C2orf81: variants seen among roughly 807,000 people sequenced by gnomAD.
C2orf81 encodes the protein chromosome 2 open reading frame 81.
In C2orf81, 5 loss-of-function variants were observed where a neutral mutation model predicts 7.9. That is an observed-to-expected ratio of 0.63 (90% CI 0.33 to 1.33). The LOEUF is 1.33. Ranked by LOEUF, C2orf81 falls within the 40% of genes most tolerant of loss-of-function variation. The pLI is 0.05. For missense variants in C2orf81, 781 were observed against 830.4 expected (o/e 0.94, Z 0.73); for synonymous variants, 346 against 367.4 (o/e 0.94, Z 0.66).
intron 1 of C2orf81, among the ~76,000 whole-genome samples, chr2:74,419,959 G>A (rs1474412302): frequency 6.6e-6 from 1 of 152,184 alleles, no homozygotes; most frequent in East Asian, 1.9e-4. Flanking sequence ...ATTTTTAGTA[G>A]AGATGGGGTT....
At chr2:74,419,245 G>A (rs917399214) in intron 1 of C2orf81, among the ~76,000 whole-genome samples, 2 of 151,928 alleles carry the variant, frequency 1.3e-5, no homozygotes, top group African/African-American at 2.4e-5. Context: ...GCACAGTGGC[G>A]CACACCCACA....
Position 74,416,156 on chromosome 2 carries a change from A to C in C2orf81, c.104T>G (p.Val35Gly). 1 of 1,499,434 alleles carries C rather than the reference A, an allele frequency of 6.7e-7. No homozygotes were observed. The highest frequency in any genetic ancestry group is 9.0e-7 in the Non-Finnish European group (1 of 1,114,572). 92.9% of individuals were successfully genotyped at this position (1,499,434 alleles called of 1,614,324 possible). A position where few individuals can be genotyped will look rare whatever the true frequency, so the allele number is the denominator to read the frequency against. Residue 35 changes from valine to glycine, a missense_variant, in exon 2 of 3, where the codon GTG (valine) becomes GGG (glycine). Physicochemically the swap from Val to Gly is moderately radical, Grantham distance 109. Transcript: ENST00000684111. ...VRPPTVPVPQ[V>G]DIVPGRLSEA... ...ACTGAGCCGCCCAGGCACAATATCC[A>C]CCTGCGGCACTGGCACAGTGGGCGG...
In C2orf81 at chr2:74,415,377, GCCT is replaced by G; in HGVS notation, c.797_799del (p.Glu266del). The stretch of plus-strand genomic sequence containing the variant: ...AGAAGGGTCGGCATCGTCGGCAGGC[GCCT>G]CCTCCACCGACAGTTGGAAGCTCGC... On this transcript the variant is annotated inframe_deletion, in exon 3 of 3. Coordinates refer to ENST00000684111, the MANE Select transcript of C2orf81 (RefSeq NM_001316764.3). This position sits in a 1 kb window ranked among gnomAD's most constrained non-coding sequence, Gnocchi z 5.5. 1 of 1,517,024 alleles carries G rather than the reference GCCT, an allele frequency of 6.6e-7. No individual in the cohort carries two copies. The highest frequency in any genetic ancestry group is 8.9e-7 in the Non-Finnish European group (1 of 1,126,540). The allele number at this position is 1,517,024 out of a possible 1,614,324, so 94.0% of individuals were successfully genotyped here. A position where few individuals can be genotyped will look rare whatever the true frequency, so the allele number is the denominator to read the frequency against.
chr2:74,415,910 G>T lies in C2orf81; in HGVS notation c.267C>A (p.Ile89=). ...GCAGCATGGCCTCCCGGGCCTGGCTGATGGTGAATGGAATGCACTGCGGAG... is the reference window on the plus strand; with the variant it reads ...GCAGCATGGCCTCCCGGGCCTGGCTTATGGTGAATGGAATGCACTGCGGAG... The part of the protein sequence containing the change: ...YLTQQCIPFT[I]SQAREAMLQI... The change falls in exon 3 of 3, where the codon ATC becomes ATA. Residue 89 remains isoleucine (I), a synonymous_variant. Transcript: ENST00000684111. The surrounding 1 kb of genome is among the most constrained non-coding windows in gnomAD (Gnocchi z 5.5). 2 of 1,548,830 alleles carry T rather than the reference G, an allele frequency of 1.3e-6. No homozygotes were observed. Among genetic ancestry groups the T allele is most frequent in the Non-Finnish European group, 1.7e-6 (2 of 1,144,792 alleles).
At position 74,421,612 on chromosome 2, in the gene C2orf81, A is replaced by G. The variant is rs1451341321; in HGVS notation, c.-52T>C. 2.3e-6 allele frequency: 1 copy of G among 426,148 alleles called. No individual in the cohort carries two copies. 26.4% of individuals were successfully genotyped at this position (426,148 alleles called of 1,614,324 possible). Reference sequence around the variant, plus strand: ...TGTTTCTGCTGCATCCGGGCCGCGTAAGCCACCTAACAGTCGCCTGGGCAA... The same window carrying G: ...TGTTTCTGCTGCATCCGGGCCGCGTGAGCCACCTAACAGTCGCCTGGGCAA... On this transcript the variant is annotated 5_prime_UTR_variant, in exon 1 of 3. Transcript: ENST00000684111.
chr2:74,414,866 G>A lies in C2orf81; in HGVS notation c.1311C>T (p.Leu437=). 1 of 1,550,476 alleles carries A rather than the reference G, an allele frequency of 6.4e-7. No homozygotes were observed. The highest frequency in any genetic ancestry group is 8.7e-7 in the Non-Finnish European group (1 of 1,146,224). Residue 437 remains leucine, a synonymous_variant, in exon 3 of 3, where the codon CTC becomes CTT. Transcript: ENST00000684111. This position sits in a 1 kb window ranked among gnomAD's most constrained non-coding sequence, Gnocchi z 5.3. ...AGTCACGGAAAGGAATGCCTGGCCGGAGAGGGAAGAACGCTGCCGGGGAGA... is the reference window on the plus strand; with the variant it reads ...AGTCACGGAAAGGAATGCCTGGCCGAAGAGGGAAGAACGCTGCCGGGGAGA... ...TRVSPAAFFP[L]RPGIPFRDLD... is the part of the protein sequence containing the mutation.
chr2:74,414,647 CT>C lies in C2orf81; in HGVS notation c.1529del (p.Lys510ArgfsTer47). On this transcript the variant is annotated frameshift_variant, in exon 3 of 3. Transcript: ENST00000684111. LOFTEE classifies it low-confidence loss of function (END_TRUNC). This position sits in a 1 kb window ranked among gnomAD's most constrained non-coding sequence, Gnocchi z 5.3. ...SVRWPSGWEGKAELLGELWAG... is the reference protein window; with the variant it reads ...SVRWPSGWEGXAELLGELWAG... Reference sequence around the variant, plus strand: ...CCCACAGCTCGCCCAGCAGCTCGGCCTTCCCCTCCCAACCGCTGGGCCACCT... The same window carrying C: ...CCCACAGCTCGCCCAGCAGCTCGGCCTCCCCTCCCAACCGCTGGGCCACCT... 1 of 1,549,942 alleles carries C rather than the reference CT, an allele frequency of 6.5e-7. No homozygotes were observed.
chr2:74,414,534 G>C lies in C2orf81; in HGVS notation c.1643C>G (p.Pro548Arg), dbSNP rs753892654. ...CACCTGGGAAGTGGCTTCAAGGACC[G>C]GGGGTGTGGTTCGAGGCCATCTGCC... Reference protein sequence around the residue: ...DPGRWPRTTPPVLEATSQVMW... With the variant: ...DPGRWPRTTPRVLEATSQVMW... The change falls in exon 3 of 3, where the codon CCG becomes CGG. Residue 548 changes from proline (P) to arginine (R), a missense_variant. Transcript: ENST00000684111. This position sits in a 1 kb window ranked among gnomAD's most constrained non-coding sequence, Gnocchi z 5.3. The C allele has an allele frequency of 3.9e-6, 6 of 1,543,524 alleles. No homozygotes were observed. The highest frequency in any genetic ancestry group is 8.8e-7 in the Non-Finnish European group (1 of 1,141,708).
At chr2:74,417,827 G>C (rs1676507630) in intron 1 of C2orf81, 1 of 522,364 alleles carries the variant, frequency 1.9e-6, no homozygotes, top group Admixed American at 2.4e-5. Context: ...GGACGCAGCA[G>C]GTGCAGGGTG....
At chr2:74,417,595 T>A (rs1676500717) in intron 1 of C2orf81, 3 of 1,049,078 alleles carry the variant, frequency 2.9e-6, no homozygotes, top group Non-Finnish European at 2.5e-6. Context: ...AAAGACAGTT[T>A]GGCTGGGGGA....
At chr2:74,417,728 C>G in intron 1 of C2orf81, 1 of 558,398 alleles carries the variant, frequency 1.8e-6, no homozygotes, top group African/African-American at 1.9e-5. Context: ...CCAGGCCCCT[C>G]TATGGGAAGC....
chr2:74,416,190 T>C lies in C2orf81; in HGVS notation c.70A>G (p.Lys24Glu). ...DRGVTRSKAE[K>E]VRPPTVPVPQ... ...ACTGGCACAGTGGGCGGCCGCACTTTTTCCGCCTTGGACCGGGTCACCCCG... is the reference window on the plus strand; with the variant it reads ...ACTGGCACAGTGGGCGGCCGCACTTCTTCCGCCTTGGACCGGGTCACCCCG... Residue 24 changes from lysine (K) to glutamate (E), a missense_variant, in exon 2 of 3, where the codon AAA becomes GAA. By Grantham distance (56) the Lys-to-Glu change is moderately conservative. Transcript: ENST00000684111. 2 of 1,449,422 alleles carry C rather than the reference T, an allele frequency of 1.4e-6. No individual in the cohort carries two copies. Among genetic ancestry groups the C allele is most frequent in the Non-Finnish European group, 1.8e-6 (2 of 1,083,824 alleles). 89.8% of individuals were successfully genotyped at this position (1,449,422 alleles called of 1,614,324 possible). A position where few individuals can be genotyped will look rare whatever the true frequency, so the allele number is the denominator to read the frequency against.
At chr2:74,417,756 G>A (rs1462698017) in intron 1 of C2orf81, 14 of 514,692 alleles carry the variant, frequency 2.7e-5, no homozygotes, top group Non-Finnish European at 4.1e-5. Context: ...AACAGTGGAG[G>A]AGCAGAGAAG....
In C2orf81 at chr2:74,415,217, C is replaced by A. The variant is rs1303845649; in HGVS notation, c.960G>T (p.Arg320Ser). The change falls in exon 3 of 3, where the codon AGG becomes AGT. Residue 320 changes from arginine (R) to serine (S), a missense_variant. By Grantham distance (110) the Arg-to-Ser change is moderately radical (BLOSUM62 -1). Coordinates refer to ENST00000684111, the MANE Select transcript of C2orf81 (RefSeq NM_001316764.3). This position sits in a 1 kb window ranked among gnomAD's most constrained non-coding sequence, Gnocchi z 5.5. ...LDAAGDRLEL[R>S]SEGVPCIASG... is the part of the protein sequence containing the mutation. Reference sequence around the variant, plus strand: ...AGGCGATGCAGGGCACCCCCTCTGACCTGAGTTCCAGCCGATCCCCAGCCG... The same window carrying A: ...AGGCGATGCAGGGCACCCCCTCTGAACTGAGTTCCAGCCGATCCCCAGCCG... 6.4e-7 allele frequency: 1 copy of A among 1,550,824 alleles called. No individual in the cohort carries two copies. The highest frequency in any genetic ancestry group is 8.7e-7 in the Non-Finnish European group (1 of 1,146,884).
At chr2:74,418,044 G>A (rs1573214865) in intron 1 of C2orf81, 1 of 529,854 alleles carries the variant, frequency 1.9e-6, no homozygotes, top group Non-Finnish European at 3.5e-6. Flanking sequence ...CGGTGGTGAT[G>A]GTGGGTGTAG....
At chr2:74,416,290 CG>C (rs147884408) in intron 1 of C2orf81, 49 bp from the exon 2 acceptor site, 26,648 of 1,256,446 alleles carry the variant, frequency 0.021, 352 homozygotes, top group Non-Finnish European at 0.025. Flanking sequence ...AGAAGTGGAA[CG>C]GAAGAGTAGC....
At chr2:74,417,214 C>T (rs1227476041) in intron 1 of C2orf81, among the ~76,000 whole-genome samples, 1 of 152,190 alleles carries the variant, frequency 6.6e-6, no homozygotes, top group East Asian at 1.9e-4. Context: ...GGAACCAGAA[C>T]CTGGGGGGGT....
At position 74,415,153 on chromosome 2, in the gene C2orf81, T is replaced by TGGCGCCGCCCGCGGAGGGGCGGGG. The variant is rs748555006; in HGVS notation, c.1023_1024insCCCCGCCCCTCCGCGGGCGGCGCC (p.Ala341_Thr342insProArgProSerAlaGlyGlyAla). 1 of 1,524,310 alleles carries TGGCGCCGCCCGCGGAGGGGCGGGG rather than the reference T, an allele frequency of 6.6e-7. No individual in the cohort carries two copies. The highest frequency in any genetic ancestry group is 2.0e-5 in the Admixed American group (1 of 48,894). 94.4% of individuals were successfully genotyped at this position (1,524,310 alleles called of 1,614,324 possible). On this transcript the variant is annotated inframe_insertion, in exon 3 of 3. Transcript: ENST00000684111. The surrounding 1 kb of genome is among the most constrained non-coding windows in gnomAD (Gnocchi z 5.5). Reference sequence around the variant, plus strand: ...TGCTGGCAGGACGCGGAGGGGCGGGTGGCGCCGCCCACAGAGGGGTAGGAC... The same window carrying TGGCGCCGCCCGCGGAGGGGCGGGG: ...TGCTGGCAGGACGCGGAGGGGCGGGTGGCGCCGCCCGCGGAGGGGCGGGGGGCGCCGCCCACAGAGGGGTAGGAC...
At chr2:74,417,963 C>T (rs1430371683) in intron 1 of C2orf81, among the ~76,000 whole-genome samples, 1 of 151,384 alleles carries the variant, frequency 6.6e-6, no homozygotes, top group African/African-American at 2.4e-5. Context: ...CCATAGGGAC[C>T]TGCAGCGGCT....
Sources: gnomAD v4.1 joint callset for allele counts (sites outside exome capture counted in the v4.1 genomes callset) on GRCh38, gnomAD v4.1.1 for gene constraint, Gnocchi (gnomAD v3.1) non-coding constraint, MANE v1.5 for transcripts, NCBI Gene and HGNC (gene_info 2026-07-23, HGNC 2026-07-21) for gene names.